Variants in SAMMSON observed in about 807,000 individuals in gnomAD.
SAMMSON encodes the protein long intergenic non-protein coding RNA 1212.
intron 2 of SAMMSON, among the ~76,000 whole-genome samples, chr3:70,429,616 ATTTG>A (rs1263244912): frequency 6.6e-6 from 1 of 152,140 alleles, no homozygotes; most frequent in Non-Finnish European, 1.5e-5. Context: ...ATGTTTTACC[ATTTG>A]TTTGTGTCCT....
At chr3:70,115,975 G>A (rs2106663673) in intron 4 of SAMMSON, among the ~76,000 whole-genome samples, 1 of 151,910 alleles carries the variant, frequency 6.6e-6, no homozygotes, top group South Asian at 2.1e-4. Context: ...TTGAACTCAG[G>A]AACACATCCC....
chr3:70,229,714 A>G (rs1701540708), intron 4 of SAMMSON, among the ~76,000 whole-genome samples: 1 of 152,166 alleles, frequency 6.6e-6, no homozygotes, highest in Non-Finnish European at 1.5e-5. Context: ...CAAAATAGAA[A>G]AAGCCTGGAT....
Position 70,281,451 on chromosome 3 carries a change from T to A in SAMMSON, n.675-9728T>A, listed in dbSNP as rs1702082361. Among the ~76,000 whole-genome samples, 3 of 152,192 alleles carry A rather than the reference T, an allele frequency of 2.0e-5. No individual in the cohort carries two copies. In the South Asian group the frequency reaches 6.2e-4, roughly 31 times the overall value. ...TTACCATTTTCTAGGCAAGTAATCG[T>A]GAACAGGCCACTTAGTTTCTTGGGT... On this transcript the variant is annotated intron_variant and non_coding_transcript_variant, in intron 6 of 9. Coordinates refer to ENST00000642114, the Ensembl canonical transcript of SAMMSON.
chr3:70,164,871 C>T (rs760878765), intron 4 of SAMMSON, among the ~76,000 whole-genome samples: 70 of 152,086 alleles, frequency 4.6e-4, no homozygotes, highest in Admixed American at 3.1e-3. Context: ...AAATTTCCTC[C>T]GGAAAAGACT....
At chr3:70,183,086 G>A (rs1248864148) in intron 4 of SAMMSON, among the ~76,000 whole-genome samples, 2 of 152,110 alleles carry the variant, frequency 1.3e-5, no homozygotes, top group Admixed American at 6.5e-5. Context: ...TTGAACACTC[G>A]CTACATGCCA....
chr3:70,188,260 G>A (rs1196260151), intron 4 of SAMMSON, among the ~76,000 whole-genome samples: 1 of 152,100 alleles, frequency 6.6e-6, no homozygotes, highest in African/African-American at 2.4e-5. Flanking sequence ...TTGTCTTGGT[G>A]TTAGAAAGCT....
At chr3:70,022,577 C>T (rs2067020403) in intron 3 of SAMMSON, among the ~76,000 whole-genome samples, 1 of 151,930 alleles carries the variant, frequency 6.6e-6, no homozygotes, top group Non-Finnish European at 1.5e-5. Flanking sequence ...TTTCGTATTG[C>T]AAAATCTATG....
chr3:70,181,311 C>G, intron 4 of SAMMSON, among the ~76,000 whole-genome samples: 1 of 152,170 alleles, frequency 6.6e-6, no homozygotes, highest in East Asian at 1.9e-4. Flanking sequence ...AACAGAGGTT[C>G]AAGTTTTAAG....
intron 3 of SAMMSON, among the ~76,000 whole-genome samples, chr3:70,018,991 T>C (rs1005836585): frequency 1.3e-5 from 2 of 152,252 alleles, no homozygotes; most frequent in Non-Finnish European, 2.9e-5. Context: ...TGAGGAGTGC[T>C]TTACTTCCAA....
intron 4 of SAMMSON, among the ~76,000 whole-genome samples, chr3:70,146,822 T>G (rs9816522): frequency 1 from 152,075 of 152,082 alleles, 76,034 homozygotes; most frequent in Middle Eastern, 1. Context: ...GCTAGGAAAA[T>G]CCAGTACAAC....
intron 4 of SAMMSON, among the ~76,000 whole-genome samples, chr3:70,179,050 G>A (rs1398189728): frequency 6.6e-6 from 1 of 152,012 alleles, no homozygotes; most frequent in Non-Finnish European, 1.5e-5. Context: ...TAACTGATCA[G>A]TTTCATTTTA....
rs532486707 is a variant in SAMMSON at position 70,309,876 on chromosome 3, A to G, written n.739+18633A>G. Reference sequence around the variant, plus strand: ...AGATTTTATAGATTACAAGAATTCAATGCCTACGCTGTACTTAATGGACAC... The same window carrying G: ...AGATTTTATAGATTACAAGAATTCAGTGCCTACGCTGTACTTAATGGACAC... On this transcript the variant is annotated intron_variant and non_coding_transcript_variant, in intron 7 of 9. Transcript: ENST00000642114. Among the ~76,000 whole-genome samples, 23 of 152,322 alleles carry G rather than the reference A, an allele frequency of 1.5e-4. 1 individual carries two copies. The highest frequency in any genetic ancestry group is 4.6e-4 in the African/African-American group (19 of 41,564).
chr3:70,142,258 T>A (rs1028888885), intron 4 of SAMMSON, among the ~76,000 whole-genome samples: 33 of 152,106 alleles, frequency 2.2e-4, no homozygotes, highest in Admixed American at 1.0e-3. Context: ...CAATTCACAA[T>A]TGCGAAAACA....
chr3:70,025,247 T>G (rs2067032765), intron 3 of SAMMSON: 1 of 152,256 alleles, frequency 6.6e-6, no homozygotes, highest in Non-Finnish European at 1.5e-5. Flanking sequence ...TTTATTTTTA[T>G]TTATTTATTT....
At chr3:70,076,860 T>G (rs991640989) in intron 4 of SAMMSON, among the ~76,000 whole-genome samples, 3 of 152,192 alleles carry the variant, frequency 2.0e-5, no homozygotes, top group Non-Finnish European at 2.9e-5. Context: ...AAATGTAATT[T>G]CTCGTTAGAC....
At chr3:70,017,957 T>C (rs1306231179) in intron 3 of SAMMSON, among the ~76,000 whole-genome samples, 1 of 152,162 alleles carries the variant, frequency 6.6e-6, no homozygotes, top group Admixed American at 6.5e-5. Flanking sequence ...GTGGATAAGC[T>C]TTTTGATGTG....
intron 1 of SAMMSON, among the ~76,000 whole-genome samples, chr3:70,005,084 G>C (rs1224737567): frequency 2.0e-5 from 3 of 152,150 alleles, no homozygotes; most frequent in African/African-American, 7.2e-5. Context: ...CAATGTTTCA[G>C]TAAGAGGAGA....
intron 2 of SAMMSON, among the ~76,000 whole-genome samples, chr3:70,434,018 T>G (rs919567406): frequency 5.3e-5 from 8 of 152,354 alleles, no homozygotes; most frequent in Admixed American, 3.3e-4. Context: ...ATTCTTTCAC[T>G]AATACCACAC....
chr3:70,343,098 A>G (rs1314575216), intron 7 of SAMMSON, among the ~76,000 whole-genome samples: 1 of 152,158 alleles, frequency 6.6e-6, no homozygotes, highest in East Asian at 1.9e-4. Flanking sequence ...TTATTTTAGA[A>G]TTGCTTTAGA....
Sources: gnomAD v4.1 joint callset for allele counts (sites outside exome capture counted in the v4.1 genomes callset) on GRCh38, gnomAD v4.1.1 for gene constraint, MANE v1.5 for transcripts, NCBI Gene and HGNC (gene_info 2026-07-23, HGNC 2026-07-21) for gene names.